Variants in LDLRAD3 observed in about 807,000 individuals in gnomAD.
LDLRAD3 encodes low density lipoprotein receptor class A domain containing 3.
LDLRAD3 carries 20 observed loss-of-function variants against 29.4 expected under a neutral mutation model. The ratio of observed to expected loss-of-function variants is 0.68; its 90% CI spans 0.48 to 0.99. The LOEUF is 0.99. Ranked by LOEUF, LDLRAD3 falls within the 50% of genes least tolerant of loss-of-function variation. LDLRAD3 has a pLI of 0.00. For missense variants in LDLRAD3, 420 were observed against 454.3 expected, an observed-to-expected ratio of 0.92 and a Z score of 0.69; for synonymous variants, 157 against 192.7, an observed-to-expected ratio of 0.81 and a Z score of 1.53.
intron 1 of LDLRAD3, among the ~76,000 whole-genome samples, chr11:35,963,430 TGTG>T (rs1851301995): frequency 7.8e-6 from 1 of 128,426 alleles, no homozygotes; most frequent in Non-Finnish European, 1.7e-5. Flanking sequence ...TGTGTGTGTG[TGTG>T]TTTTTTTTTT....
At position 36,098,478 on chromosome 11, in the gene LDLRAD3, C is replaced by T. The variant is rs1438676363; in HGVS notation, c.454+17C>T. The T allele has an allele frequency of 1.2e-6, 2 of 1,613,884 alleles. No homozygotes were observed. Among genetic ancestry groups the T allele is most frequent in the South Asian group, 2.2e-5 (2 of 91,046 alleles). On this transcript the variant is annotated intron_variant, in intron 4 of 5. Coordinates refer to ENST00000315571, the MANE Select transcript of LDLRAD3 (RefSeq NM_174902.4). Reference sequence around the variant, plus strand: ...GTTCTCAAGGTAGGAACCTCTCAAGCTCTAAAAAGATAATTGCAACACAAC... The same window carrying T: ...GTTCTCAAGGTAGGAACCTCTCAAGTTCTAAAAAGATAATTGCAACACAAC...
chr11:36,085,348 G>GTTT (rs397815799), intron 3 of LDLRAD3, among the ~76,000 whole-genome samples: 1 of 141,012 alleles, frequency 7.1e-6, no homozygotes. Flanking sequence ...GCTTTGAACT[G>GTTT]TTTTTTTTTT....
At chr11:36,185,338 T>C (rs1854831136) in intron 4 of LDLRAD3, among the ~76,000 whole-genome samples, 1 of 152,138 alleles carries the variant, frequency 6.6e-6, no homozygotes, top group South Asian at 2.1e-4. Context: ...AAAGATCAAA[T>C]AGTACTTTTA....
chr11:36,145,751 T>C (rs1291991253), intron 4 of LDLRAD3, among the ~76,000 whole-genome samples: 1 of 150,700 alleles, frequency 6.6e-6, no homozygotes, highest in Non-Finnish European at 1.5e-5. Context: ...CCACTCAGGG[T>C]TGAATGGATT....
At chr11:36,217,332 G>A (rs1034105499) in intron 4 of LDLRAD3, among the ~76,000 whole-genome samples, 9 of 143,816 alleles carry the variant, frequency 6.3e-5, no homozygotes, top group African/African-American at 2.3e-4. Flanking sequence ...TTCCAAGAAG[G>A]AGCAAGCCTG....
chr11:36,191,938 A>G (rs1854960189), intron 4 of LDLRAD3, among the ~76,000 whole-genome samples: 1 of 152,126 alleles, frequency 6.6e-6, no homozygotes, highest in Non-Finnish European at 1.5e-5. Context: ...GTAATAAACT[A>G]GAACTAAATC....
At position 35,944,078 on chromosome 11, in the gene LDLRAD3, A is replaced by G. The variant is rs1477801052; in HGVS notation, c.-21A>G. On this transcript the variant is annotated 5_prime_UTR_variant, in exon 1 of 6. Transcript: ENST00000315571. The surrounding 1 kb of genome is among the most constrained non-coding windows in gnomAD (Gnocchi z 4.9). ...CGCGGGGGCAGCAACGACGCCGGGC[A>G]GCGGGAGCGGCGGCCGCGCCATGTG... 1 of 1,075,716 alleles carries G rather than the reference A, an allele frequency of 9.3e-7. No individual in the cohort carries two copies. The highest frequency in any genetic ancestry group is 1.1e-6 in the Non-Finnish European group (1 of 888,846). The allele number at this position is 1,075,716 out of a possible 1,614,324, so 66.6% of individuals were successfully genotyped here. A position where few individuals can be genotyped will look rare whatever the true frequency, so the allele number is the denominator to read the frequency against.
intron 4 of LDLRAD3, chr11:36,110,092 C>T (rs979374690): frequency 6.6e-6 from 1 of 152,204 alleles, no homozygotes; most frequent in Non-Finnish European, 1.5e-5. Flanking sequence ...CCTTTGTGTA[C>T]AGGTGGGGTT....
intron 4 of LDLRAD3, chr11:36,183,871 C>T (rs375964049): frequency 5.0e-5 from 10 of 200,288 alleles, no homozygotes; most frequent in Non-Finnish European, 9.5e-5. Context: ...GTCTAATCTA[C>T]GGTTAAGTGG....
chr11:36,030,752 A>G (rs989395043), intron 1 of LDLRAD3, among the ~76,000 whole-genome samples: 1 of 152,240 alleles, frequency 6.6e-6, no homozygotes, highest in Non-Finnish European at 1.5e-5. Flanking sequence ...GAAGTTGGAA[A>G]GCAGGGCTGT....
chr11:35,983,848 C>T lies in LDLRAD3; in HGVS notation c.46+39704C>T, dbSNP rs1274025368. 3.3e-5 allele frequency among the ~76,000 whole-genome samples: 5 copies of T among 152,262 alleles called. No individual in the cohort carries two copies. The East Asian group carries it at 9.7e-4, about 29-fold the overall frequency. On this transcript the variant is annotated intron_variant, in intron 1 of 5. Transcript: ENST00000315571. ...CCACGTTGGCCAGGCTGGCCTCGAA[C>T]TCCTGACCTCAAGTGATCCGCCTGC... is the stretch of plus-strand genomic sequence containing the variant.
intron 4 of LDLRAD3, among the ~76,000 whole-genome samples, chr11:36,205,943 G>A (rs761459803): frequency 1.5e-4 from 23 of 152,302 alleles, no homozygotes; most frequent in East Asian, 1.9e-4. Flanking sequence ...CAGATTTTCC[G>A]TTGGTGTTAA....
chr11:36,104,574 A>T (rs1407701570), intron 4 of LDLRAD3, among the ~76,000 whole-genome samples: 2 of 152,132 alleles, frequency 1.3e-5, no homozygotes, highest in Non-Finnish European at 2.9e-5. Flanking sequence ...AGGGGTTTAT[A>T]AGAATAGCAA....
chr11:35,957,176 T>C (rs961384346), intron 1 of LDLRAD3, among the ~76,000 whole-genome samples: 1 of 152,190 alleles, frequency 6.6e-6, no homozygotes, highest in South Asian at 2.1e-4. Context: ...AACACATTGG[T>C]TTATTTATTT....
chr11:36,140,992 TTCTCTCTCTCTCTCTCTC>T (rs557939353), intron 4 of LDLRAD3, among the ~76,000 whole-genome samples: 180 of 110,056 alleles, frequency 1.6e-3, no homozygotes, highest in East Asian at 0.013. Flanking sequence ...CTGTTGAGCT[TTCTCTCTCTCTCTCTCTC>T]TCTCTCTCTC....
At position 36,063,144 on chromosome 11, in the gene LDLRAD3, G is replaced by A. The variant is rs192461117; in HGVS notation, c.194-18509G>A. 1.4e-3 allele frequency among the ~76,000 whole-genome samples: 214 copies of A among 152,256 alleles called. 2 individuals carry two copies. Among genetic ancestry groups the A allele is most frequent in the East Asian group, 4.1e-3 (21 of 5,178 alleles). On this transcript the variant is annotated intron_variant, in intron 2 of 5. Transcript: ENST00000315571. ...AATGTAAACTTCAAACTTAAGACCA[G>A]AAGGGTTATCCACACCCACCCCACT...
At chr11:35,989,195 T>G (rs1182746446) in intron 1 of LDLRAD3, among the ~76,000 whole-genome samples, 2 of 152,224 alleles carry the variant, frequency 1.3e-5, no homozygotes, top group Non-Finnish European at 2.9e-5. Context: ...TGTGCAGGTT[T>G]ATTTCTGGGT....
chr11:35,946,372 G>A (rs1851057006), intron 1 of LDLRAD3, among the ~76,000 whole-genome samples: 1 of 152,234 alleles, frequency 6.6e-6, no homozygotes, highest in Non-Finnish European at 1.5e-5. Context: ...AGAGTCCTGA[G>A]TCTTTGTGGG....
intron 2 of LDLRAD3, among the ~76,000 whole-genome samples, chr11:36,054,194 G>A (rs1233321115): frequency 6.6e-6 from 1 of 152,086 alleles, no homozygotes; most frequent in Non-Finnish European, 1.5e-5. Context: ...GAGTACAAAG[G>A]CAGATTTGTG....
Sources: allele counts gnomAD v4.1 joint callset (sites outside exome capture counted in the v4.1 genomes callset), GRCh38; gene constraint gnomAD v4.1.1; non-coding constraint Gnocchi (gnomAD v3.1); transcripts MANE v1.5; gene names NCBI Gene and HGNC (gene_info 2026-07-23, HGNC 2026-07-21).